IQCK: variants seen among roughly 807,000 people sequenced by gnomAD.
IQCK encodes the protein IQ motif containing K, also known as IQ domain-containing protein K.
IQCK carries 29 observed loss-of-function variants against 28.1 expected under a neutral mutation model. The ratio of observed to expected loss-of-function variants is 1.03; its 90% CI spans 0.77 to 1.41. The LOEUF (loss-of-function observed/expected upper bound fraction) is 1.41, where lower values mean the gene tolerates loss of function less well. Ranked by LOEUF, IQCK falls within the 40% of genes most tolerant of loss-of-function variation. IQCK has a pLI of 0.00. For missense variants in IQCK, 359 were observed against 314.7 expected (o/e 1.14, Z -1.07); for synonymous variants, 113 against 115.1 (o/e 0.98, Z 0.12).
At position 19,718,373 on chromosome 16, in the gene IQCK, T is replaced by C. The variant is rs775107639; in HGVS notation, c.67T>C (p.Ser23Pro). Residue 23 changes from serine (S) to proline (P), a missense_variant, in exon 1 of 8, where the codon TCG becomes CCG. Coordinates refer to ENST00000564186, the Ensembl canonical transcript of IQCK. ...CAAGCCCAGCTGCTCTACAGACTCG[T>C]CGTTCACCCGGACGCCGGTGCCCAC... 25 of 1,609,004 alleles carry C rather than the reference T, an allele frequency of 1.6e-5. No individual in the cohort carries two copies. Among genetic ancestry groups the C allele is most frequent in the African/African-American group, 4.0e-5 (3 of 74,880 alleles).
intron 2 of IQCK, among the ~76,000 whole-genome samples, chr16:19,730,834 G>A (rs139404597): frequency 3.3e-5 from 5 of 152,212 alleles, no homozygotes; most frequent in Admixed American, 2.0e-4. Context: ...GAGTGCAGTG[G>A]CACAATCTCA....
At chr16:19,839,106 C>T (rs34053784) in intron 9 of IQCK, among the ~76,000 whole-genome samples, 25,343 of 150,130 alleles carry the variant, frequency 0.17, 2,958 homozygotes, top group East Asian at 0.52. Context: ...AAATCATTCA[C>T]CTTTGGTCAC....
chr16:19,777,778 C>T (rs548192170), intron 6 of IQCK, among the ~76,000 whole-genome samples: 17 of 152,258 alleles, frequency 1.1e-4, no homozygotes, highest in South Asian at 1.0e-3. Flanking sequence ...GGGCCGGGCA[C>T]GGTGGCTCAC....
At chr16:19,824,020 G>T (rs2141087020) in intron 7 of IQCK, among the ~76,000 whole-genome samples, 1 of 152,272 alleles carries the variant, frequency 6.6e-6, no homozygotes, top group East Asian at 1.9e-4. Context: ...CAGTTTCGTG[G>T]AAAACAGTTT....
chr16:19,766,613 T>A (rs987640411), intron 6 of IQCK, among the ~76,000 whole-genome samples: 3 of 152,214 alleles, frequency 2.0e-5, no homozygotes, highest in South Asian at 2.1e-4. Context: ...ACTGGATAAT[T>A]CTTTGCTGTA....
chr16:19,850,483 G>T (rs1159974224), intron 9 of IQCK, among the ~76,000 whole-genome samples: 1 of 152,126 alleles, frequency 6.6e-6, no homozygotes, highest in Non-Finnish European at 1.5e-5. Flanking sequence ...AGTAAAAGAT[G>T]AACATTTTAA....
In IQCK at chr16:19,825,533, A is replaced by T. The variant is rs2056136913; in HGVS notation, c.691-1493A>T. ...GAAACTCCATCTCAAAAAAAAAAAA[A>T]TGTAAAATATTTGGCCAGGCACAGT... On this transcript the variant is annotated intron_variant, in intron 7 of 7. Transcript: ENST00000564186. This position sits in a 1 kb window ranked among gnomAD's most constrained non-coding sequence, Gnocchi z 4.2. Among the ~76,000 whole-genome samples the T allele has an allele frequency of 6.6e-6, 1 of 151,856 alleles. No homozygotes were observed. Among genetic ancestry groups the T allele is most frequent in the African/African-American group, 2.4e-5 (1 of 41,322 alleles).
At chr16:19,775,947 T>A (rs1244463074) in intron 6 of IQCK, among the ~76,000 whole-genome samples, 2 of 138,092 alleles carry the variant, frequency 1.4e-5, no homozygotes, top group Admixed American at 1.5e-4. Context: ...AGTGGCACGA[T>A]CTAGGCTCAC....
chr16:19,852,482 TCTGA>T (rs1466085585), intron 9 of IQCK, among the ~76,000 whole-genome samples: 13 of 152,160 alleles, frequency 8.5e-5, no homozygotes, highest in African/African-American at 1.4e-4. Flanking sequence ...AAGCCACTTC[TCTGA>T]CTATCATGAT....
At chr16:19,808,453 C>G (rs958225441) in intron 7 of IQCK, among the ~76,000 whole-genome samples, 2 of 152,140 alleles carry the variant, frequency 1.3e-5, no homozygotes, top group Non-Finnish European at 2.9e-5. Flanking sequence ...CTCCAGGGCT[C>G]AGGGATTTGA....
chr16:19,808,674 G>A (rs995764669), intron 7 of IQCK, among the ~76,000 whole-genome samples: 8 of 152,174 alleles, frequency 5.3e-5, no homozygotes, highest in Non-Finnish European at 1.0e-4. Flanking sequence ...ATGAAAATGC[G>A]GGGCTCCTTG....
chr16:19,856,595 T>G, exon 10 of IQCK: 1 of 1,514,516 alleles, frequency 6.6e-7, no homozygotes, highest in Non-Finnish European at 9.2e-7. Context: ...AGTTACCTTG[T>G]GCAAGGAAAA....
intron 6 of IQCK, among the ~76,000 whole-genome samples, chr16:19,781,508 A>G (rs1217301064): frequency 6.6e-6 from 1 of 152,172 alleles, no homozygotes; most frequent in Non-Finnish European, 1.5e-5. Flanking sequence ...TGATTTCTAA[A>G]TATGCTTTAG....
intron 3 of IQCK, among the ~76,000 whole-genome samples, chr16:19,734,235 G>C (rs2151683785): frequency 6.6e-6 from 1 of 152,184 alleles, no homozygotes; most frequent in Middle Eastern, 3.4e-3. Flanking sequence ...AGTGGCTCAT[G>C]CCTATAATCC....
intron 2 of IQCK, among the ~76,000 whole-genome samples, chr16:19,732,605 CG>C (rs1274359671): frequency 1.3e-5 from 2 of 152,184 alleles, no homozygotes; most frequent in Non-Finnish European, 2.9e-5. Context: ...GGACTACAGG[CG>C]TATGCCACCA....
chr16:19,806,355 ACTCT>A (rs948368092), intron 7 of IQCK, among the ~76,000 whole-genome samples: 14 of 151,698 alleles, frequency 9.2e-5, no homozygotes, highest in Admixed American at 5.3e-4. Flanking sequence ...ACAGAGCGAG[ACTCT>A]CTGTCTAAAA....
intron 6 of IQCK, among the ~76,000 whole-genome samples, chr16:19,784,728 A>C (rs2055539073): frequency 6.6e-6 from 1 of 152,168 alleles, no homozygotes; most frequent in Non-Finnish European, 1.5e-5. Flanking sequence ...ATTACACAGA[A>C]GCTTCCTGGG....
chr16:19,834,481 A>T (rs973309214), intron 9 of IQCK, among the ~76,000 whole-genome samples: 2 of 152,196 alleles, frequency 1.3e-5, no homozygotes, highest in Non-Finnish European at 2.9e-5. Flanking sequence ...GTCCAGTGCA[A>T]AGCTTCTCAG....
chr16:19,812,137 A>G (rs1436415858), intron 7 of IQCK, among the ~76,000 whole-genome samples: 4 of 151,948 alleles, frequency 2.6e-5, no homozygotes. Flanking sequence ...ACAGGCGTGC[A>G]CCACCACACC....
Sources: gnomAD v4.1 joint callset for allele counts (sites outside exome capture counted in the v4.1 genomes callset) on GRCh38, gnomAD v4.1.1 for gene constraint, Gnocchi (gnomAD v3.1) non-coding constraint, MANE v1.5 for transcripts, NCBI Gene and HGNC (gene_info 2026-07-23, HGNC 2026-07-21) for gene names.